Variants in TBC1D32 observed in about 807,000 individuals in gnomAD.
TBC1D32 encodes TBC1 domain family member 32.
Under a neutral mutation model 170.3 loss-of-function variants are expected in TBC1D32, and 151 were observed. The ratio of observed to expected loss-of-function variants is 0.89; its 90% CI spans 0.78 to 1.01. The LOEUF is 1.01. Among genes scored for constraint, TBC1D32 ranks in the 50% least tolerant of loss-of-function variants. The probability of loss-of-function intolerance (pLI) is 0.00; values close to 1 mark genes in which losing one functional copy is unlikely to be tolerated. For missense variants in TBC1D32, 1,464 were observed against 1,457.1 expected, an observed-to-expected ratio of 1.00 and a Z score of -0.08; for synonymous variants, 498 against 488.0, an observed-to-expected ratio of 1.02 and a Z score of -0.27.
At chr6:121,170,498 T>C in intron 22 of TBC1D32, 1 of 1,604,108 alleles carries the variant, frequency 6.2e-7, no homozygotes, top group South Asian at 1.1e-5. Flanking sequence ...GAGAAGAGTG[T>C]CCAGATCACA....
At chr6:121,194,294 G>A (rs768041141) in intron 22 of TBC1D32, among the ~76,000 whole-genome samples, 2 of 152,174 alleles carry the variant, frequency 1.3e-5, no homozygotes, top group Non-Finnish European at 2.9e-5. Flanking sequence ...CTCTCTGACT[G>A]GTAGGGTGAG....
chr6:121,123,860 C>A (rs1780545823), intron 26 of TBC1D32, among the ~76,000 whole-genome samples: 1 of 151,014 alleles, frequency 6.6e-6, no homozygotes, highest in East Asian at 1.9e-4. Flanking sequence ...TTTTGGGTAT[C>A]TATTATAGGT....
chr6:121,136,586 T>G (rs1292896130), intron 24 of TBC1D32, among the ~76,000 whole-genome samples: 1 of 152,050 alleles, frequency 6.6e-6, no homozygotes, highest in Non-Finnish European at 1.5e-5. Context: ...TTAATAGTGC[T>G]AAGACTGAGA....
chr6:121,108,741 A>G (rs570193632), intron 29 of TBC1D32, among the ~76,000 whole-genome samples: 1 of 152,190 alleles, frequency 6.6e-6, no homozygotes, highest in East Asian at 1.9e-4. Context: ...ATATTAAGAA[A>G]AAAACTAGTT....
intron 24 of TBC1D32, among the ~76,000 whole-genome samples, chr6:121,133,879 T>C (rs1312796192): frequency 1.3e-5 from 2 of 151,942 alleles, no homozygotes; most frequent in African/African-American, 4.8e-5. Context: ...AGAAAAATTA[T>C]CAAGCATTAA....
At chr6:121,175,607 A>G (rs1016283900) in intron 22 of TBC1D32, among the ~76,000 whole-genome samples, 1 of 152,190 alleles carries the variant, frequency 6.6e-6, no homozygotes, top group African/African-American at 2.4e-5. Context: ...ATCGGAACAG[A>G]TGCTTAAAAG....
chr6:121,306,648 A>T (rs968984272), intron 5 of TBC1D32, among the ~76,000 whole-genome samples: 1 of 152,212 alleles, frequency 6.6e-6, no homozygotes, highest in Non-Finnish European at 1.5e-5. Flanking sequence ...TTAAAATGCA[A>T]TTCTTGGATA....
intron 3 of TBC1D32, among the ~76,000 whole-genome samples, chr6:121,314,399 T>C (rs1219098256): frequency 1.3e-5 from 2 of 152,190 alleles, no homozygotes; most frequent in African/African-American, 2.4e-5. Context: ...TCACAAGTTC[T>C]AGGGATTAGG....
At chr6:121,261,260 G>A (rs1185511989) in intron 15 of TBC1D32, among the ~76,000 whole-genome samples, 1 of 152,168 alleles carries the variant, frequency 6.6e-6, no homozygotes, top group Non-Finnish European at 1.5e-5. Context: ...CCCCAGTGCA[G>A]CACACCCTCT....
chr6:121,202,338 C>A (rs1328602075), intron 22 of TBC1D32, among the ~76,000 whole-genome samples: 3 of 134,430 alleles, frequency 2.2e-5, no homozygotes, highest in Admixed American at 7.4e-5. Flanking sequence ...GTGTGATACA[C>A]AGAAATGAAG....
rs1359751791 is a variant in TBC1D32, at chr6:121,334,435, T to C, written c.-5A>G. On this transcript the variant is annotated 5_prime_UTR_variant, in exon 1 of 32. Transcript: ENST00000398212. ...CTCGCTGGAGAAATGGGCCATCCTG[T>C]TGGAATCAAACGTCCACTCTCATTA... The C allele has an allele frequency of 5.0e-6, 8 of 1,612,762 alleles. No homozygotes were observed. The highest frequency in any genetic ancestry group is 5.9e-6 in the Non-Finnish European group (7 of 1,179,286).
intron 5 of TBC1D32, among the ~76,000 whole-genome samples, chr6:121,306,630 A>G (rs761886372): frequency 5.3e-5 from 8 of 152,176 alleles, no homozygotes; most frequent in Non-Finnish European, 1.2e-4. Context: ...AGGAAATCCA[A>G]TTTGTGTTTA....
chr6:121,108,875 G>A (rs1310129601), intron 29 of TBC1D32, among the ~76,000 whole-genome samples: 1 of 152,096 alleles, frequency 6.6e-6, no homozygotes, highest in Non-Finnish European at 1.5e-5. Context: ...TGTGGGCTAA[G>A]GATGTGCCAC....
intron 12 of TBC1D32, among the ~76,000 whole-genome samples, chr6:121,287,742 A>T (rs908671640): frequency 1.3e-5 from 2 of 152,216 alleles, no homozygotes; most frequent in Non-Finnish European, 2.9e-5. Context: ...AATTGACCAC[A>T]TAGTTGGAAG....
chr6:121,270,176 G>T (rs1288703291), intron 15 of TBC1D32, among the ~76,000 whole-genome samples: 2 of 152,156 alleles, frequency 1.3e-5, no homozygotes, highest in East Asian at 3.9e-4. Flanking sequence ...ATTTAAAATT[G>T]ACACCCTAAC....
intron 3 of TBC1D32, among the ~76,000 whole-genome samples, chr6:121,317,223 T>G (rs756427441): frequency 5.9e-5 from 9 of 152,062 alleles, no homozygotes; most frequent in Non-Finnish European, 1.2e-4. Context: ...CTTAAGCAGA[T>G]TTGGTTCAAC....
chr6:121,205,241 G>C, intron 21 of TBC1D32, 78 bp from the exon 22 acceptor site: 1 of 675,804 alleles, frequency 1.5e-6, no homozygotes, highest in South Asian at 2.7e-5. Context: ...AATTTATTTA[G>C]ATTTGTGGCT....
chr6:121,183,004 G>C (rs887516578), intron 22 of TBC1D32, among the ~76,000 whole-genome samples: 2 of 148,386 alleles, frequency 1.3e-5, no homozygotes, highest in Non-Finnish European at 3.0e-5. Context: ...TATTAACAGG[G>C]AAATTTCAGA....
intron 17 of TBC1D32, among the ~76,000 whole-genome samples, chr6:121,250,110 T>C (rs1445655806): frequency 1.3e-5 from 2 of 151,786 alleles, no homozygotes; most frequent in Non-Finnish European, 3.0e-5. Flanking sequence ...TTACCAAAAC[T>C]GCATGGTACT....
Sources: allele counts gnomAD v4.1 joint callset (sites outside exome capture counted in the v4.1 genomes callset), GRCh38; gene constraint gnomAD v4.1.1; transcripts MANE v1.5; gene names NCBI Gene and HGNC (gene_info 2026-07-23, HGNC 2026-07-21).